The following EPS8 variants were observed in gnomAD, a reference collection of about 807,000 sequenced individuals.
The protein encoded by EPS8 is EGFR pathway substrate 8, signaling adaptor.
Under a neutral mutation model 103.8 loss-of-function variants are expected in EPS8, and 42 were observed. The observed-to-expected ratio is 0.40, with a 90% CI of 0.32 to 0.52. The LOEUF is 0.52. EPS8 is among the 20% of genes least tolerant of loss of function. The pLI is 0.40. For missense variants in EPS8, 969 were observed against 1,005.1 expected, an observed-to-expected ratio of 0.96 and a Z score of 0.49; for synonymous variants, 344 against 344.6, an observed-to-expected ratio of 1.00 and a Z score of 0.02.
rs989021893 is a variant in EPS8, at chr12:15,706,833, GT to G, written c.-21-23862del. Among the ~76,000 whole-genome samples, 1 of 151,332 alleles carries G rather than the reference GT, an allele frequency of 6.6e-6. No homozygotes were observed. The highest frequency in any genetic ancestry group is 1.5e-5 in the Non-Finnish European group (1 of 67,892). On this transcript the variant is annotated intron_variant, in intron 1 of 20. Transcript: ENST00000281172. This position sits in a 1 kb window ranked among gnomAD's most constrained non-coding sequence, Gnocchi z 5.2. ...CCTACTCTATTGTCTATGTGTACAA[GT>G]TTTTTTTCTATTTTACATACTAACT...
intron 4 of EPS8, 117 bp downstream of exon 4, chr12:15,670,739 T>C: frequency 3.2e-6 from 2 of 632,874 alleles, no homozygotes; most frequent in Non-Finnish European, 2.7e-6. Flanking sequence ...AACAAAAAGG[T>C]CAATGCAACT....
rs1946162393 is a variant in EPS8, at chr12:15,690,919, A to G, written c.-21-7947T>C. On this transcript the variant is annotated intron_variant, in intron 1 of 20. Coordinates refer to ENST00000281172, the MANE Select transcript of EPS8 (RefSeq NM_004447.6). This position sits in a 1 kb window ranked among gnomAD's most constrained non-coding sequence, Gnocchi z 4.7. ...ATAGGCTGCTAGAAAGTGATGCAAT[A>G]AAGAAGAGTCAAGACCAAACAAAAA... 6.6e-6 allele frequency among the ~76,000 whole-genome samples: 1 copy of G among 152,098 alleles called. No homozygotes were observed. The highest frequency in any genetic ancestry group is 2.1e-4 in the South Asian group (1 of 4,818).
rs1398078510 is a variant in EPS8, at chr12:15,757,223, T to G, written c.-22+31938A>C. ...ACCATTTTAAATACCCTCAAAACAGTGGTGTAGAGTGAAATGTTCTTGACA... is the reference window on the plus strand; with the variant it reads ...ACCATTTTAAATACCCTCAAAACAGGGGTGTAGAGTGAAATGTTCTTGACA... On this transcript the variant is annotated intron_variant, in intron 1 of 20. Transcript: ENST00000281172. The surrounding 1 kb of genome is among the most constrained non-coding windows in gnomAD (Gnocchi z 4.1). Among the ~76,000 whole-genome samples the G allele has an allele frequency of 6.6e-6, 1 of 152,088 alleles. No individual in the cohort carries two copies. The highest frequency in any genetic ancestry group is 1.5e-5 in the Non-Finnish European group (1 of 68,006).
intron 15 of EPS8, among the ~76,000 whole-genome samples, chr12:15,645,977 C>T (rs937986984): frequency 3.9e-5 from 6 of 152,026 alleles, no homozygotes; most frequent in Admixed American, 2.0e-4. Context: ...AAAATATTGA[C>T]ATCTAAGACA....
chr12:15,695,842 G>A lies in EPS8; in HGVS notation c.-21-12870C>T, dbSNP rs1565504858. ...ATATAAAAATCAGCCAGACATGGTG[G>A]CAGGCACCTGTAATCCCAGCTACTC... On this transcript the variant is annotated intron_variant, in intron 1 of 20. Transcript: ENST00000281172. This position sits in a 1 kb window ranked among gnomAD's most constrained non-coding sequence, Gnocchi z 5.0. Among the ~76,000 whole-genome samples the A allele has an allele frequency of 6.6e-6, 1 of 152,192 alleles. No homozygotes were observed. The highest frequency in any genetic ancestry group is 1.5e-5 in the Non-Finnish European group (1 of 68,004).
intron 1 of EPS8, among the ~76,000 whole-genome samples, chr12:15,741,949 T>C (rs1377222773): frequency 1.3e-5 from 2 of 152,170 alleles, no homozygotes; most frequent in Middle Eastern, 3.4e-3. Context: ...CACCTATGAG[T>C]GAGAACATGC....
chr12:15,752,017 T>A lies in EPS8; in HGVS notation c.-22+37144A>T, dbSNP rs746593707. Among the ~76,000 whole-genome samples the A allele has an allele frequency of 2.6e-5, 4 of 152,152 alleles. No individual in the cohort carries two copies. The highest frequency in any genetic ancestry group is 5.9e-5 in the Non-Finnish European group (4 of 68,030). ...AGTGCCAATACAGGAAATCAGTGAC[T>A]GGATTTGAGGTATAGTTGAGAATTT... On this transcript the variant is annotated intron_variant, in intron 1 of 20. Coordinates refer to ENST00000281172, the MANE Select transcript of EPS8 (RefSeq NM_004447.6). The surrounding 1 kb of genome is among the most constrained non-coding windows in gnomAD (Gnocchi z 4.4).
rs1946935912 is a variant in EPS8 at position 15,751,863 on chromosome 12, C to A, written c.-22+37298G>T. Among the ~76,000 whole-genome samples the A allele has an allele frequency of 1.3e-5, 2 of 152,104 alleles. No homozygotes were observed. Among genetic ancestry groups the A allele is most frequent in the South Asian group, 4.1e-4 (2 of 4,822 alleles). ...AGTCTCCCTTACATGATAAAATACA[C>A]TGAGACTCAAGCAGGAGTTAAATCT... On this transcript the variant is annotated intron_variant, in intron 1 of 20. Transcript: ENST00000281172. This position sits in a 1 kb window ranked among gnomAD's most constrained non-coding sequence, Gnocchi z 4.3.
At chr12:15,652,776 C>T (rs1387762825) in intron 13 of EPS8, among the ~76,000 whole-genome samples, 3 of 152,024 alleles carry the variant, frequency 2.0e-5, no homozygotes, top group Non-Finnish European at 4.4e-5. Flanking sequence ...CCAACACAAG[C>T]CACTGTCAAA....
chr12:15,686,095 C>T (rs1946091348), intron 1 of EPS8, among the ~76,000 whole-genome samples: 1 of 152,130 alleles, frequency 6.6e-6, no homozygotes, highest in Non-Finnish European at 1.5e-5. Flanking sequence ...TTTTCTTCCA[C>T]CTCTGCCACC....
rs1210501746 is a variant in EPS8, at chr12:15,778,734, T to A, written c.-22+10427A>T. Among the ~76,000 whole-genome samples the A allele has an allele frequency of 2.0e-5, 3 of 152,332 alleles. No individual in the cohort carries two copies. The highest frequency in any genetic ancestry group is 3.9e-4 in the East Asian group (2 of 5,186). ...AGAGAAATTGGAGATTATGTACGCA[T>A]GCATATAAACATAAACAAGCTGTTC... On this transcript the variant is annotated intron_variant, in intron 1 of 20. Transcript: ENST00000281172. The surrounding 1 kb of genome is among the most constrained non-coding windows in gnomAD (Gnocchi z 4.5).
chr12:15,649,526 T>C (rs907369589), intron 14 of EPS8, among the ~76,000 whole-genome samples: 8 of 152,214 alleles, frequency 5.3e-5, no homozygotes, highest in African/African-American at 1.4e-4. Flanking sequence ...CAGGGGTATA[T>C]GCTTGCCAAC....
Position 15,623,248 on chromosome 12 carries a change from A to C in EPS8, c.2265T>G (p.Leu755=), listed in dbSNP as rs1944889304. The change falls in exon 20 of 21, where the codon CTT becomes CTG. Residue 755 remains leucine (L), a synonymous_variant. Transcript: ENST00000281172. ...NSLGVLNGAQ[L]FSLNKDELRT... ...TCAGTTCATCCTTATTGAGAGAGAA[A>C]AGTTGTGCACCATTTAATACTCCAA... 1 of 1,613,284 alleles carries C rather than the reference A, an allele frequency of 6.2e-7. No individual in the cohort carries two copies. The highest frequency in any genetic ancestry group is 1.7e-5 in the Admixed American group (1 of 59,970).
rs1342903898 is a variant in EPS8, at chr12:15,654,202, A to G, written c.1193T>C (p.Val398Ala). Residue 398 changes from valine (V) to alanine (A), a missense_variant, in exon 13 of 21, where the codon GTC (valine) becomes GCC (alanine). Transcript: ENST00000281172. Reference protein sequence around the residue: ...KDTIDFLNYTVNGDERQLWMS... With the variant: ...KDTIDFLNYTANGDERQLWMS... Reference sequence around the variant, plus strand: ...CCACAGCTGCCGTTCATCACCATTGACAGTATAATTTAAGAAATCAATTGT... The same window carrying G: ...CCACAGCTGCCGTTCATCACCATTGGCAGTATAATTTAAGAAATCAATTGT... 3.7e-6 allele frequency: 6 copies of G among 1,613,734 alleles called. No homozygotes were observed. The highest frequency in any genetic ancestry group is 5.1e-6 in the Non-Finnish European group (6 of 1,179,810).
In EPS8 at chr12:15,657,983, A is replaced by G. The variant is rs569695104; in HGVS notation, c.1101+96T>C. The G allele has an allele frequency of 5.6e-5, 41 of 733,748 alleles. No individual in the cohort carries two copies. The East Asian group carries it at 9.5e-4, about 17-fold the overall frequency. 45.5% of individuals were successfully genotyped at this position (733,748 alleles called of 1,614,324 possible). On this transcript the variant is annotated intron_variant, in intron 12 of 20. Coordinates refer to ENST00000281172, the MANE Select transcript of EPS8 (RefSeq NM_004447.6). ...ATGGCAAAGAAATAGTACCCACGCA[A>G]GGTAATGAAGAAAAGCAGTCTAGAT...
At chr12:15,665,630 C>G in intron 8 of EPS8, 126 bp downstream of exon 8, 1 of 1,188,654 alleles carries the variant, frequency 8.4e-7, no homozygotes, top group Non-Finnish European at 1.2e-6. Flanking sequence ...TGCGCCCGGC[C>G]AGAGTTGATT....
rs1219287474 is a variant in EPS8 at position 15,690,369 on chromosome 12, AT to A, written c.-21-7398del. ...ACTCTTTAAAAAGCATAAGAATTCT[AT>A]TTTTTTAAAGGTTAACTAAATCTTT... On this transcript the variant is annotated intron_variant, in intron 1 of 20. Transcript: ENST00000281172. The surrounding 1 kb of genome is among the most constrained non-coding windows in gnomAD (Gnocchi z 4.7). Among the ~76,000 whole-genome samples, 1 of 152,096 alleles carries A rather than the reference AT, an allele frequency of 6.6e-6. No individual in the cohort carries two copies. Among genetic ancestry groups the A allele is most frequent in the Non-Finnish European group, 1.5e-5 (1 of 68,004 alleles).
chr12:15,623,461 T>C (rs1944893542), intron 19 of EPS8, among the ~76,000 whole-genome samples, 174 bp from the exon 20 acceptor site: 1 of 152,192 alleles, frequency 6.6e-6, no homozygotes, highest in Non-Finnish European at 1.5e-5. Context: ...GTTTCTTTCA[T>C]GATGATGACC....
intron 18 of EPS8, among the ~76,000 whole-genome samples, chr12:15,629,146 A>C (rs142060244): frequency 1.3e-5 from 2 of 152,314 alleles, no homozygotes; most frequent in Admixed American, 1.3e-4. Flanking sequence ...CCACCCTTTT[A>C]CTTATGAAAA....
Sources: gnomAD v4.1 joint callset for allele counts (sites outside exome capture counted in the v4.1 genomes callset) on GRCh38, gnomAD v4.1.1 for gene constraint, Gnocchi (gnomAD v3.1) non-coding constraint, MANE v1.5 for transcripts, NCBI Gene and HGNC (gene_info 2026-07-23, HGNC 2026-07-21) for gene names.